The following SGCD variants were observed in gnomAD, a reference collection of about 807,000 sequenced individuals.
SGCD encodes the protein sarcoglycan delta, also known as delta-sarcoglycan.
A neutral mutation model predicts 36.6 loss-of-function variants in SGCD; 18 were observed. The observed-to-expected ratio is 0.49, with a 90% CI of 0.34 to 0.73. The LOEUF (loss-of-function observed/expected upper bound fraction) is 0.73, where lower values mean the gene tolerates loss of function less well. SGCD is among the 30% of genes least tolerant of loss of function. SGCD has a pLI of 0.01. For missense variants in SGCD, 387 were observed against 346.7 expected (o/e 1.12, Z -0.92); for synonymous variants, 133 against 130.6 (o/e 1.02, Z -0.12).
At chr5:156,398,098 T>A (rs1771961965) in intron 3 of SGCD, among the ~76,000 whole-genome samples, 1 of 152,240 alleles carries the variant, frequency 6.6e-6, no homozygotes, top group Non-Finnish European at 1.5e-5. Context: ...TCATTGGTTA[T>A]TCTTTCTGCT....
chr5:156,214,254 A>G (rs1441116366), intron 3 of SGCD, among the ~76,000 whole-genome samples: 1 of 152,050 alleles, frequency 6.6e-6, no homozygotes, highest in African/African-American at 2.4e-5. Context: ...GAATTTAGTA[A>G]ATTTACAGGA....
At chr5:156,375,251 T>C (rs942724637) in intron 3 of SGCD, among the ~76,000 whole-genome samples, 11 of 152,224 alleles carry the variant, frequency 7.2e-5, no homozygotes, top group Non-Finnish European at 1.6e-4. Flanking sequence ...CTTCAATGTG[T>C]ATTTCCTAAG....
intron 3 of SGCD, among the ~76,000 whole-genome samples, chr5:156,428,317 T>C (rs114794418): frequency 0.017 from 2,651 of 152,294 alleles, 75 homozygotes; most frequent in African/African-American, 0.06. Context: ...GTTTCTAGTT[T>C]ATGTGCATAA....
At chr5:156,590,641 A>G (rs1760689968) in intron 5 of SGCD, among the ~76,000 whole-genome samples, 1 of 152,176 alleles carries the variant, frequency 6.6e-6, no homozygotes, top group South Asian at 2.1e-4. Context: ...ATCATTTCCC[A>G]TTTATTTGTA....
intron 1 of SGCD, among the ~76,000 whole-genome samples, chr5:156,115,029 G>A (rs1761878123): frequency 6.6e-6 from 1 of 152,036 alleles, no homozygotes; most frequent in Non-Finnish European, 1.5e-5. Context: ...GGTGAATACA[G>A]TGTGCTAATC....
intron 1 of SGCD, among the ~76,000 whole-genome samples, chr5:155,961,697 TTA>T (rs1244087277): frequency 6.6e-6 from 1 of 152,152 alleles, no homozygotes; most frequent in Non-Finnish European, 1.5e-5. Context: ...AGTAAGGTAT[TTA>T]TGAAACCAAA....
chr5:156,286,454 G>A (rs972547661), intron 3 of SGCD, among the ~76,000 whole-genome samples: 3 of 152,216 alleles, frequency 2.0e-5, no homozygotes, highest in East Asian at 1.9e-4. Flanking sequence ...ACTGGATTAA[G>A]AAGATGTGGC....
intron 3 of SGCD, among the ~76,000 whole-genome samples, chr5:156,199,890 C>A (rs1224233146): frequency 6.6e-6 from 1 of 152,076 alleles, no homozygotes; most frequent in East Asian, 1.9e-4. Flanking sequence ...TGTGTCCACT[C>A]TTAGGGCCTC....
rs749117326 is a variant in SGCD, at chr5:155,893,334, A to G, written c.-282+22910A>G. On this transcript the variant is annotated intron_variant, in intron 1 of 9. Transcript: ENST00000517913. ...AAAATAAAGCTCTGGAGCTGAAATA[A>G]TACACATCTATTGTCTGAATGCCAC... is the stretch of plus-strand genomic sequence containing the variant. 3.9e-5 allele frequency among the ~76,000 whole-genome samples: 6 copies of G among 152,236 alleles called. 1 individual carries two copies. The highest frequency in any genetic ancestry group is 3.9e-4 in the Admixed American group (6 of 15,284).
intron 3 of SGCD, among the ~76,000 whole-genome samples, chr5:156,485,584 A>T (rs1755623269): frequency 6.6e-6 from 1 of 151,890 alleles, no homozygotes; most frequent in South Asian, 2.1e-4. Flanking sequence ...AGTAGCTTGA[A>T]CTCAGGAGGT....
At chr5:155,927,724 A>G (rs986790122) in intron 1 of SGCD, among the ~76,000 whole-genome samples, 3 of 152,184 alleles carry the variant, frequency 2.0e-5, no homozygotes, top group African/African-American at 7.2e-5. Flanking sequence ...AAATAAAACC[A>G]TGAAGTGGCC....
intron 1 of SGCD, among the ~76,000 whole-genome samples, chr5:156,109,634 C>T (rs568411546): frequency 6.6e-6 from 1 of 152,194 alleles, no homozygotes; most frequent in Admixed American, 6.5e-5. Flanking sequence ...CTTTCTTACC[C>T]GTAGTTTCTT....
intron 6 of SGCD, among the ~76,000 whole-genome samples, chr5:156,611,374 G>C (rs1397634453): frequency 6.6e-6 from 1 of 152,158 alleles, no homozygotes; most frequent in African/African-American, 2.4e-5. Context: ...AAGACAGCAT[G>C]CTGAGTATTG....
intron 4 of SGCD, among the ~76,000 whole-genome samples, chr5:156,558,399 A>G (rs1759128634): frequency 1.3e-5 from 2 of 152,028 alleles, no homozygotes; most frequent in South Asian, 2.1e-4. Flanking sequence ...ATTACTGGTG[A>G]TGATCATTTA....
intron 4 of SGCD, among the ~76,000 whole-genome samples, chr5:156,586,342 A>C (rs561245905): frequency 1.4e-4 from 22 of 152,334 alleles, no homozygotes; most frequent in African/African-American, 4.8e-4. Flanking sequence ...TATCATATCA[A>C]GGGTGCATGC....
At chr5:156,596,416 T>C (rs989120340) in intron 6 of SGCD, among the ~76,000 whole-genome samples, 12 of 152,174 alleles carry the variant, frequency 7.9e-5, no homozygotes, top group Admixed American at 2.6e-4. Flanking sequence ...ATCTATCTTC[T>C]GAGACTGCTA....
chr5:155,933,903 G>C (rs1398598228), intron 1 of SGCD, among the ~76,000 whole-genome samples: 2 of 152,172 alleles, frequency 1.3e-5, no homozygotes, highest in African/African-American at 4.8e-5. Flanking sequence ...CAGAACCTGT[G>C]TGAAACACCC....
At chr5:156,738,523 C>T (rs1045108959) in intron 7 of SGCD, 4 of 152,200 alleles carry the variant, frequency 2.6e-5, no homozygotes, top group Admixed American at 1.3e-4. Flanking sequence ...CTTTTCCTCT[C>T]TCATAGTTGT....
At chr5:155,883,764 A>AT (rs1319174600) in intron 1 of SGCD, among the ~76,000 whole-genome samples, 1 of 139,076 alleles carries the variant, frequency 7.2e-6, no homozygotes, top group African/African-American at 2.7e-5. Context: ...GACTTGCTGG[A>AT]TGCAGGGTTA....
Sources: allele counts gnomAD v4.1 joint callset (sites outside exome capture counted in the v4.1 genomes callset), GRCh38; gene constraint gnomAD v4.1.1; transcripts MANE v1.5; gene names NCBI Gene and HGNC (gene_info 2026-07-23, HGNC 2026-07-21).